Variants in ELAVL2 observed in about 807,000 individuals in gnomAD.
ELAVL2 encodes ELAV-like protein 2.
A neutral mutation model predicts 34.6 loss-of-function variants in ELAVL2; 4 were observed. The ratio of observed to expected loss-of-function variants is 0.12; its 90% CI spans 0.06 to 0.26. The LOEUF (loss-of-function observed/expected upper bound fraction) is 0.26, where lower values mean the gene tolerates loss of function less well. Among genes scored for constraint, ELAVL2 ranks in the 10% least tolerant of loss-of-function variants. ELAVL2 has a pLI of 1.00. For synonymous variants in ELAVL2, 193 were observed against 154.8 expected (o/e 1.25, Z -1.83); for missense variants, 432 against 442.8 (o/e 0.98, Z 0.22).
chr9:23,706,929 G>C (rs1004900651), intron 3 of ELAVL2, among the ~76,000 whole-genome samples: 3 of 152,026 alleles, frequency 2.0e-5, no homozygotes, highest in African/African-American at 7.2e-5. Context: ...TGCCCCAATG[G>C]TGTTAACATT....
rs1402025155 is a variant in ELAVL2 at position 23,791,911 on chromosome 9, T to C, written c.-15-29662A>G. On this transcript the variant is annotated intron_variant, in intron 1 of 6. Coordinates refer to ENST00000397312, the MANE Select transcript of ELAVL2 (RefSeq NM_004432.5). ...CTAATACAACCCCCACACCAATTCT[T>C]AATCTCTCAGTTGTCTTTTCCTCTC... Among the ~76,000 whole-genome samples, 6 of 152,198 alleles carry C rather than the reference T, an allele frequency of 3.9e-5. No homozygotes were observed. The East Asian group carries it at 1.2e-3, about 29-fold the overall frequency.
chr9:23,785,092 A>G (rs971695571), intron 1 of ELAVL2, among the ~76,000 whole-genome samples: 3 of 152,202 alleles, frequency 2.0e-5, no homozygotes, highest in Admixed American at 6.5e-5. Context: ...CCTTGGCAAA[A>G]CAGAGTTGAC....
chr9:23,800,400 T>G (rs969316051), intron 1 of ELAVL2, among the ~76,000 whole-genome samples: 2 of 152,202 alleles, frequency 1.3e-5, no homozygotes, highest in African/African-American at 4.8e-5. Context: ...GGGATGGTAG[T>G]GCCCAAGAGC....
chr9:23,750,033 A>G (rs956341155), intron 2 of ELAVL2, among the ~76,000 whole-genome samples: 174 of 59,776 alleles, frequency 2.9e-3, no homozygotes, highest in African/African-American at 0.013. Flanking sequence ...TAAAAAAGGA[A>G]AAAAAAAAAA....
At chr9:23,732,046 C>T (rs1023279276) in intron 2 of ELAVL2, among the ~76,000 whole-genome samples, 1 of 152,114 alleles carries the variant, frequency 6.6e-6, no homozygotes, top group Admixed American at 6.5e-5. Flanking sequence ...TTTGAAATGG[C>T]AAGAAACATT....
At chr9:23,737,654 T>C (rs753598351) in intron 2 of ELAVL2, among the ~76,000 whole-genome samples, 3 of 152,212 alleles carry the variant, frequency 2.0e-5, no homozygotes, top group Non-Finnish European at 2.9e-5. Flanking sequence ...AACCTGGTAG[T>C]TGAATCAACA....
chr9:23,761,563 C>T (rs886824990), intron 2 of ELAVL2, among the ~76,000 whole-genome samples: 2 of 151,994 alleles, frequency 1.3e-5, no homozygotes, highest in African/African-American at 2.4e-5. Context: ...ACAATGTGAA[C>T]ATTACCATTT....
At chr9:23,713,182 C>A (rs2041439342) in intron 3 of ELAVL2, among the ~76,000 whole-genome samples, 1 of 152,134 alleles carries the variant, frequency 6.6e-6, no homozygotes, top group Admixed American at 6.5e-5. Context: ...GAAGTTGGTT[C>A]AACAAGGACA....
upstream of ELAVL2, among the ~76,000 whole-genome samples, chr9:23,827,380 C>G (rs1389549642): frequency 6.6e-6 from 1 of 152,184 alleles, no homozygotes; most frequent in Non-Finnish European, 1.5e-5. Context: ...ATAATTGTTT[C>G]TTCCTCTAAG....
intron 3 of ELAVL2, among the ~76,000 whole-genome samples, chr9:23,717,356 C>A (rs1332392713): frequency 6.6e-6 from 1 of 152,122 alleles, no homozygotes; most frequent in South Asian, 2.1e-4. Flanking sequence ...TTACTTGATC[C>A]ACCCAAAATT....
At chr9:23,725,929 C>T (rs1009026609) in intron 3 of ELAVL2, among the ~76,000 whole-genome samples, 28 of 151,806 alleles carry the variant, frequency 1.8e-4, no homozygotes, top group Admixed American at 1.3e-3. Flanking sequence ...ATTATTTTAA[C>T]GATATAAATG....
At chr9:23,750,153 G>T (rs2051556220) in intron 2 of ELAVL2, among the ~76,000 whole-genome samples, 1 of 151,884 alleles carries the variant, frequency 6.6e-6, no homozygotes, top group Admixed American at 6.6e-5. Flanking sequence ...TAAGCATTCA[G>T]AGAACTAAAA....
chr9:23,804,132 TAAC>T (rs1357471544), intron 1 of ELAVL2, among the ~76,000 whole-genome samples: 1 of 152,090 alleles, frequency 6.6e-6, no homozygotes, highest in African/African-American at 2.4e-5. Context: ...TGCAAAAAGA[TAAC>T]CACAGAACTG....
At chr9:23,706,731 A>G (rs1236284414) in intron 3 of ELAVL2, among the ~76,000 whole-genome samples, 1 of 152,210 alleles carries the variant, frequency 6.6e-6, no homozygotes, top group Non-Finnish European at 1.5e-5. Context: ...CCTTTAATCC[A>G]GTTAACAACA....
At chr9:23,776,691 C>G (rs1307020228) in intron 1 of ELAVL2, among the ~76,000 whole-genome samples, 1 of 148,478 alleles carries the variant, frequency 6.7e-6, no homozygotes, top group African/African-American at 2.5e-5. Flanking sequence ...GAACCCGCAG[C>G]CAGAAATAAT....
chr9:23,817,052 A>T (rs1672720420), intron 1 of ELAVL2, among the ~76,000 whole-genome samples: 1 of 152,158 alleles, frequency 6.6e-6, no homozygotes, highest in Non-Finnish European at 1.5e-5. Context: ...GTCTTAAAAA[A>T]AAAAACCTAT....
chr9:23,696,532 G>A (rs562582025), intron 5 of ELAVL2, among the ~76,000 whole-genome samples: 39 of 152,308 alleles, frequency 2.6e-4, no homozygotes, highest in Non-Finnish European at 5.4e-4. Context: ...GCAGTGGCGT[G>A]ATCTCGGCTC....
At chr9:23,733,339 C>G (rs1424349853) in intron 2 of ELAVL2, among the ~76,000 whole-genome samples, 2 of 152,098 alleles carry the variant, frequency 1.3e-5, no homozygotes, top group Non-Finnish European at 2.9e-5. Flanking sequence ...CTCCTGGACT[C>G]AAGCGATCCT....
chr9:23,759,287 G>A (rs966281716), intron 2 of ELAVL2, among the ~76,000 whole-genome samples: 2 of 152,054 alleles, frequency 1.3e-5, no homozygotes, highest in Middle Eastern at 3.4e-3. Flanking sequence ...TCAACTTAGA[G>A]GACACTATGT....
Sources: allele counts gnomAD v4.1 joint callset (sites outside exome capture counted in the v4.1 genomes callset), GRCh38; gene constraint gnomAD v4.1.1; transcripts MANE v1.5; gene names NCBI Gene and HGNC (gene_info 2026-07-23, HGNC 2026-07-21).